TRIM24: variants seen among roughly 807,000 people sequenced by gnomAD.
TRIM24 encodes transcription intermediary factor 1-alpha.
A neutral mutation model predicts 123.9 loss-of-function variants in TRIM24; 29 were observed. The observed-to-expected ratio is 0.23, with a 90% CI of 0.17 to 0.32. TRIM24 has a LOEUF of 0.32. Ranked by LOEUF, TRIM24 falls within the 10% of genes least tolerant of loss-of-function variation. The probability of loss-of-function intolerance (pLI) is 1.00; values close to 1 mark genes in which losing one functional copy is unlikely to be tolerated. For synonymous variants in TRIM24, 456 were observed against 461.1 expected, an observed-to-expected ratio of 0.99 and a Z score of 0.14; for missense variants, 932 against 1,295.3, an observed-to-expected ratio of 0.72 and a Z score of 4.31.
At position 138,545,957 on chromosome 7, in the gene TRIM24, T is replaced by A. The variant is rs1304845481; in HGVS notation, c.1144-5106T>A. 2.0e-4 allele frequency among the ~76,000 whole-genome samples: 30 copies of A among 152,150 alleles called. 1 individual carries two copies. Among genetic ancestry groups the A allele is most frequent in the Non-Finnish European group, 4.4e-5 (3 of 68,008 alleles). ...ACAGTAGATTATTTGGGGGAGAAGT[T>A]GATAACAAAACTAAAAGTTATAGAA... On this transcript the variant is annotated intron_variant, in intron 7 of 18. Coordinates refer to ENST00000343526, the MANE Select transcript of TRIM24 (RefSeq NM_015905.3).
chr7:138,534,793 T>C (rs548898812), intron 6 of TRIM24, among the ~76,000 whole-genome samples: 1 of 152,344 alleles, frequency 6.6e-6, no homozygotes, highest in Non-Finnish European at 1.5e-5. Flanking sequence ...CTTGTTGATC[T>C]GTCTGATGTT....
chr7:138,491,102 A>G (rs917571256), intron 1 of TRIM24: 2 of 275,390 alleles, frequency 7.3e-6, no homozygotes, highest in African/African-American at 4.6e-5. Flanking sequence ...TTTGCCCTGA[A>G]CATCTTTGAT....
chr7:138,553,873 G>A (rs1797261852), intron 8 of TRIM24, among the ~76,000 whole-genome samples: 1 of 152,144 alleles, frequency 6.6e-6, no homozygotes, highest in Non-Finnish European at 1.5e-5. Context: ...TGTTTGAGAG[G>A]CCCAAGAAGA....
At chr7:138,489,650 T>C (rs1021410381) in intron 1 of TRIM24, among the ~76,000 whole-genome samples, 1 of 152,220 alleles carries the variant, frequency 6.6e-6, no homozygotes, top group Non-Finnish European at 1.5e-5. Context: ...TGAAAATTCT[T>C]TTCTTTAAGA....
intron 6 of TRIM24, among the ~76,000 whole-genome samples, chr7:138,535,159 C>T (rs1273788854): frequency 6.6e-6 from 1 of 152,116 alleles, no homozygotes; most frequent in Admixed American, 6.5e-5. Context: ...TGGGTCTTGA[C>T]TCTTGATCCA....
chr7:138,552,922 A>C (rs1797241117), intron 8 of TRIM24, among the ~76,000 whole-genome samples: 1 of 152,206 alleles, frequency 6.6e-6, no homozygotes, highest in Non-Finnish European at 1.5e-5. Flanking sequence ...CTCTGAACCC[A>C]TCACAAGATA....
chr7:138,467,154 C>T (rs985020354), intron 1 of TRIM24, among the ~76,000 whole-genome samples: 9 of 152,180 alleles, frequency 5.9e-5, no homozygotes, highest in Non-Finnish European at 1.2e-4. Context: ...GTACTCTTCT[C>T]AGCAAATTTT....
chr7:138,537,391 T>G (rs112023717), intron 6 of TRIM24, among the ~76,000 whole-genome samples: 3 of 127,806 alleles, frequency 2.3e-5, no homozygotes, highest in South Asian at 2.8e-4. Flanking sequence ...TTTTTTTTTT[T>G]TTTTTTTTTT....
intron 1 of TRIM24, among the ~76,000 whole-genome samples, chr7:138,498,164 A>G (rs1223127841): frequency 1.3e-5 from 2 of 151,698 alleles, no homozygotes; most frequent in Admixed American, 1.3e-4. Context: ...CATTCAACTC[A>G]CTTGAGTAAC....
chr7:138,554,153 A>G lies in TRIM24; in HGVS notation c.1262-545A>G, dbSNP rs28688534. ...GATAATCTCCGGGTTGGCCACTCCT[A>G]GGTTCCTTAACGCAGAACTCCAAAC... On this transcript the variant is annotated intron_variant, in intron 8 of 18. Transcript: ENST00000343526. The surrounding 1 kb of genome is among the most constrained non-coding windows in gnomAD (Gnocchi z 4.5). Among the ~76,000 whole-genome samples, 2,777 of 152,252 alleles carry G rather than the reference A, an allele frequency of 0.018. 71 individuals carry two copies. Among genetic ancestry groups the G allele is most frequent in the African/African-American group, 0.061 (2,541 of 41,538 alleles).
intron 14 of TRIM24, 92 bp from the exon 15 acceptor site, chr7:138,579,112 G>A (rs1797838025): frequency 1.5e-5 from 15 of 1,032,154 alleles, no homozygotes; most frequent in Non-Finnish European, 2.0e-5. Flanking sequence ...GAAGCAGCCA[G>A]GTGCTCACCA....
At chr7:138,465,247 A>G (rs562005788) in intron 1 of TRIM24, among the ~76,000 whole-genome samples, 2 of 152,310 alleles carry the variant, frequency 1.3e-5, no homozygotes, top group African/African-American at 4.8e-5. Context: ...AATGACCACA[A>G]GTTAAAATTG....
Position 138,469,035 on chromosome 7 carries a change from G to T in TRIM24, c.364+8123G>T, listed in dbSNP as rs377516527. On this transcript the variant is annotated intron_variant, in intron 1 of 18. Coordinates refer to ENST00000343526, the MANE Select transcript of TRIM24 (RefSeq NM_015905.3). ...GGATCACAGTACTGCATTGCCTTTT[G>T]TCCATTGTCTGAAAAGTTGCCTAAG... 2.7e-3 allele frequency among the ~76,000 whole-genome samples: 408 copies of T among 152,206 alleles called. 3 individuals are homozygous for T. Among genetic ancestry groups the T allele is most frequent in the African/African-American group, 9.3e-3 (386 of 41,516 alleles).
chr7:138,532,207 C>T (rs1160885054), intron 6 of TRIM24, among the ~76,000 whole-genome samples: 2 of 151,750 alleles, frequency 1.3e-5, no homozygotes, highest in South Asian at 4.1e-4. Flanking sequence ...TGTGTAGAAG[C>T]TCTTTAGTTT....
chr7:138,535,901 G>T (rs1479126198), intron 6 of TRIM24, among the ~76,000 whole-genome samples: 1 of 151,996 alleles, frequency 6.6e-6, no homozygotes, highest in Non-Finnish European at 1.5e-5. Context: ...ATTTCTTGGT[G>T]GCTTTGTTCG....
In TRIM24 at chr7:138,585,852, G is replaced by A. The variant is rs1036513935; in HGVS notation, c.*901G>A. The stretch of plus-strand genomic sequence containing the variant: ...CAGCAGCGTGCACTGTATTTGATGT[G>A]AGGGTTCTTCATCATATACCCTACT... On this transcript the variant is annotated 3_prime_UTR_variant, in exon 19 of 19. Coordinates refer to ENST00000343526, the MANE Select transcript of TRIM24 (RefSeq NM_015905.3). 1 of 519,058 alleles carries A rather than the reference G, an allele frequency of 1.9e-6. No homozygotes were observed. The highest frequency in any genetic ancestry group is 1.9e-5 in the African/African-American group (1 of 51,956). The allele number at this position is 519,058 out of a possible 1,614,324, so 32.2% of individuals were successfully genotyped here. A position where few individuals can be genotyped will look rare whatever the true frequency, so the allele number is the denominator to read the frequency against.
At chr7:138,496,243 T>C (rs1333060504) in intron 1 of TRIM24, among the ~76,000 whole-genome samples, 2 of 152,240 alleles carry the variant, frequency 1.3e-5, no homozygotes, top group African/African-American at 4.8e-5. Context: ...TTAATGTCTC[T>C]ATTTAGGTCT....
At chr7:138,484,465 G>T (rs11976614) in intron 1 of TRIM24, among the ~76,000 whole-genome samples, 55,137 of 150,706 alleles carry the variant, frequency 0.37, 10,183 homozygotes, top group East Asian at 0.51. Flanking sequence ...AAGCATAATT[G>T]TTCCTTTAAT....
At chr7:138,500,364 A>G (rs1001483689) in intron 1 of TRIM24, among the ~76,000 whole-genome samples, 1 of 152,014 alleles carries the variant, frequency 6.6e-6, no homozygotes, top group Non-Finnish European at 1.5e-5. Flanking sequence ...GTTTGAGACC[A>G]TCCTGGACAA....
Sources: gnomAD v4.1 joint callset for allele counts (sites outside exome capture counted in the v4.1 genomes callset) on GRCh38, gnomAD v4.1.1 for gene constraint, Gnocchi (gnomAD v3.1) non-coding constraint, MANE v1.5 for transcripts, NCBI Gene and HGNC (gene_info 2026-07-23, HGNC 2026-07-21) for gene names.